LRMDA: variants seen among roughly 807,000 people sequenced by gnomAD.
LRMDA encodes the protein leucine-rich melanocyte differentiation-associated protein.
A neutral mutation model predicts 29.8 loss-of-function variants in LRMDA; 18 were observed. That is an observed-to-expected ratio of 0.60 (90% confidence interval 0.42 to 0.90). The LOEUF is 0.90. Ranked by LOEUF, LRMDA falls within the 40% of genes least tolerant of loss-of-function variation. The pLI is 0.00. For missense variants in LRMDA, 273 were observed against 273.9 expected (o/e 1.00, Z 0.02); for synonymous variants, 125 against 109.4 (o/e 1.14, Z -0.89).
intron 5 of LRMDA, among the ~76,000 whole-genome samples, chr10:76,088,024 G>T (rs1564649414): frequency 6.6e-6 from 1 of 152,172 alleles, no homozygotes; most frequent in South Asian, 2.1e-4. Context: ...GGAGGCTCAG[G>T]TGGGAGTATC....
intron 2 of LRMDA, among the ~76,000 whole-genome samples, chr10:75,543,181 G>A (rs982607412): frequency 6.6e-5 from 10 of 152,198 alleles, no homozygotes; most frequent in South Asian, 4.1e-4. Context: ...CAGCTTTGAC[G>A]GATTGCTTTC....
intron 2 of LRMDA, among the ~76,000 whole-genome samples, chr10:75,891,533 G>A (rs528428901): frequency 4.7e-4 from 71 of 152,340 alleles, no homozygotes; most frequent in African/African-American, 1.7e-3. Context: ...AGATGGGGAA[G>A]CAAGGTACTA....
chr10:75,815,802 C>T (rs915056788), intron 2 of LRMDA, among the ~76,000 whole-genome samples: 2 of 152,166 alleles, frequency 1.3e-5, no homozygotes, highest in African/African-American at 4.8e-5. Context: ...TACTAATGAA[C>T]ATTTATTCAG....
intron 5 of LRMDA, among the ~76,000 whole-genome samples, chr10:76,142,270 A>G (rs944115952): frequency 6.6e-6 from 1 of 152,128 alleles, no homozygotes; most frequent in Non-Finnish European, 1.5e-5. Flanking sequence ...AACATTTATA[A>G]TTATATGTGT....
intron 2 of LRMDA, among the ~76,000 whole-genome samples, chr10:75,619,105 A>G (rs980822626): frequency 2.6e-4 from 40 of 151,908 alleles, no homozygotes; most frequent in African/African-American, 9.7e-4. Flanking sequence ...CCGAAAATAT[A>G]TTTACTCTTA....
chr10:75,645,864 T>G (rs942491800), intron 2 of LRMDA, among the ~76,000 whole-genome samples: 3 of 152,142 alleles, frequency 2.0e-5, no homozygotes, highest in Admixed American at 6.5e-5. Flanking sequence ...CTTTCCCTTC[T>G]TCTCATCCTT....
chr10:75,703,737 C>G (rs1487342582), intron 2 of LRMDA, among the ~76,000 whole-genome samples: 4 of 152,176 alleles, frequency 2.6e-5, no homozygotes, highest in Non-Finnish European at 4.4e-5. Context: ...ACAGCGAACT[C>G]TTTAATCAGC....
intron 5 of LRMDA, among the ~76,000 whole-genome samples, chr10:76,194,752 G>C (rs1033306380): frequency 6.6e-6 from 1 of 152,152 alleles, no homozygotes; most frequent in African/African-American, 2.4e-5. Context: ...AGTCCAATAT[G>C]TGCTTGATGA....
chr10:75,730,922 G>T (rs138912328), intron 2 of LRMDA, among the ~76,000 whole-genome samples: 284 of 152,194 alleles, frequency 1.9e-3, no homozygotes, highest in South Asian at 4.4e-3. Flanking sequence ...ATACTTTTTA[G>T]CAGTTATTTT....
At chr10:76,379,296 C>T (rs189806098) in intron 6 of LRMDA, among the ~76,000 whole-genome samples, 5 of 151,396 alleles carry the variant, frequency 3.3e-5, no homozygotes, top group Admixed American at 6.6e-5. Context: ...ACTTTCACTA[C>T]GATTGGTGCC....
chr10:75,844,995 G>A (rs1422858412), intron 2 of LRMDA, among the ~76,000 whole-genome samples: 2 of 152,152 alleles, frequency 1.3e-5, no homozygotes, highest in Non-Finnish European at 2.9e-5. Flanking sequence ...CTTATGGCTG[G>A]ATGTTGAAGT....
chr10:75,497,685 G>A (rs1397244772), intron 2 of LRMDA, among the ~76,000 whole-genome samples: 3 of 149,596 alleles, frequency 2.0e-5, no homozygotes, highest in Non-Finnish European at 4.4e-5. Flanking sequence ...CCTGTTTTAC[G>A]ACTTCACACA....
At chr10:76,185,180 T>C (rs1029837838) in intron 5 of LRMDA, among the ~76,000 whole-genome samples, 1 of 152,146 alleles carries the variant, frequency 6.6e-6, no homozygotes, top group Non-Finnish European at 1.5e-5. Context: ...GCGTTCAGGA[T>C]GAGGGGATGT....
In LRMDA at chr10:76,380,457, C is replaced by T. The variant is rs573607468; in HGVS notation, c.601+55972C>T. Among the ~76,000 whole-genome samples the T allele has an allele frequency of 2.6e-5, 4 of 152,058 alleles. No individual in the cohort carries two copies. The South Asian group carries it at 6.2e-4, about 24-fold the overall frequency. On this transcript the variant is annotated intron_variant, in intron 6 of 6. Transcript: ENST00000611255. ...GGCCGAGGCAGGCGGATCACAAGGT[C>T]AGGAGATCGAGACCATCCTGGCTAA...
At position 75,587,327 on chromosome 10, in the gene LRMDA, TTTTG is replaced by T. The variant is rs879822014; in HGVS notation, c.131+148845_131+148848del. On this transcript the variant is annotated intron_variant, in intron 2 of 6. Transcript: ENST00000611255. Reference sequence around the variant, plus strand: ...CATTATAATATCCAGGGTTGCGTTTTTTTGTTTGTTTGTTTTTGTTTTTGTTTTT... The same window carrying T: ...CATTATAATATCCAGGGTTGCGTTTTTTTGTTTGTTTTTGTTTTTGTTTTT... Among the ~76,000 whole-genome samples the T allele has an allele frequency of 1.2e-3, 187 of 152,300 alleles. 4 individuals carry two copies. Among genetic ancestry groups the T allele is most frequent in the Admixed American group, 9.0e-3 (137 of 15,296 alleles).
chr10:75,703,805 A>G (rs777079350), intron 2 of LRMDA, among the ~76,000 whole-genome samples: 1 of 152,258 alleles, frequency 6.6e-6, no homozygotes, highest in Non-Finnish European at 1.5e-5. Context: ...AAATAGGGCC[A>G]TGAAATATTT....
intron 6 of LRMDA, among the ~76,000 whole-genome samples, chr10:76,358,920 C>T (rs1841275694): frequency 6.6e-6 from 1 of 152,120 alleles, no homozygotes; most frequent in Non-Finnish European, 1.5e-5. Context: ...GTTTTGAGCC[C>T]AGATGTTTGG....
At chr10:75,620,861 T>G (rs2132106235) in intron 2 of LRMDA, among the ~76,000 whole-genome samples, 1 of 152,242 alleles carries the variant, frequency 6.6e-6, no homozygotes, top group Non-Finnish European at 1.5e-5. Context: ...TTTCAATAGG[T>G]TTTTGGCCAA....
At chr10:75,787,726 T>C (rs1843496527) in intron 2 of LRMDA, among the ~76,000 whole-genome samples, 1 of 152,196 alleles carries the variant, frequency 6.6e-6, no homozygotes, top group Non-Finnish European at 1.5e-5. Flanking sequence ...TTAAGTAGTG[T>C]GTAATAGAAA....
Sources: allele counts gnomAD v4.1 joint callset (sites outside exome capture counted in the v4.1 genomes callset), GRCh38; gene constraint gnomAD v4.1.1; transcripts MANE v1.5; gene names NCBI Gene and HGNC (gene_info 2026-07-23, HGNC 2026-07-21).